The following TNRC6B variants were observed in gnomAD, a reference collection of about 807,000 sequenced individuals.
TNRC6B encodes trinucleotide repeat-containing gene 6B protein.
Under a neutral mutation model 203.6 loss-of-function variants are expected in TNRC6B, and 52 were observed. The observed-to-expected ratio is 0.26, with a 90% CI of 0.20 to 0.32. The LOEUF (loss-of-function observed/expected upper bound fraction) is 0.32, where lower values mean the gene tolerates loss of function less well. Among genes scored for constraint, TNRC6B ranks in the 10% least tolerant of loss-of-function variants. The pLI is 1.00. For synonymous variants in TNRC6B, 838 were observed against 845.7 expected (o/e 0.99, Z 0.16); for missense variants, 1,923 against 2,286.2 (o/e 0.84, Z 3.24).
intron 18 of TNRC6B, 26 bp from the exon 19 acceptor site, chr22:40,312,876 T>G: frequency 1.2e-6 from 2 of 1,600,714 alleles, no homozygotes; most frequent in Non-Finnish European, 1.7e-6. Flanking sequence ...TCTTCAGTAT[T>G]TTCTTCTTGT....
intron 1 of TNRC6B, among the ~76,000 whole-genome samples, chr22:40,196,872 T>C (rs1051905060): frequency 6.6e-6 from 1 of 152,070 alleles, no homozygotes; most frequent in Non-Finnish European, 1.5e-5. Flanking sequence ...TAAGTGCCTA[T>C]TATGCTGCAC....
intron 1 of TNRC6B, among the ~76,000 whole-genome samples, chr22:40,081,760 A>G (rs1013579394): frequency 6.6e-6 from 1 of 152,230 alleles, no homozygotes; most frequent in East Asian, 1.9e-4. Context: ...CCCTCAATAC[A>G]TACTTCCTAT....
chr22:40,312,494 C>T lies in TNRC6B; in HGVS notation c.4436-11C>T, dbSNP rs1347636172. 6.3e-7 allele frequency: 1 copy of T among 1,597,620 alleles called. No individual in the cohort carries two copies. The highest frequency in any genetic ancestry group is 8.5e-7 in the Non-Finnish European group (1 of 1,174,440). On this transcript the variant is annotated splice_polypyrimidine_tract_variant and intron_variant, in intron 17 of 22. Coordinates refer to ENST00000454349, the MANE Select transcript of TNRC6B (RefSeq NM_001162501.2). ...ACCTTCCTTCTCTAATATTTGTTTT[C>T]CTTGTCTCAGAATTCCAACCAGGAG...
intron 1 of TNRC6B, among the ~76,000 whole-genome samples, chr22:40,091,488 A>G (rs916524589): frequency 4.6e-5 from 7 of 152,164 alleles, no homozygotes; most frequent in African/African-American, 1.7e-4. Context: ...AGCACAGCAA[A>G]GCAAAGTCTT....
rs1005237286 is a variant in TNRC6B, at chr22:40,331,668, T to C, written c.*8427T>C. Reference sequence around the variant, plus strand: ...GGATTTTTTTTTTTTTTTTTTTTTTTTTCAAAAAAAAAAGTCCCACATGTG... The same window carrying C: ...GGATTTTTTTTTTTTTTTTTTTTTTCTTCAAAAAAAAAAGTCCCACATGTG... On this transcript the variant is annotated 3_prime_UTR_variant, in exon 23 of 23. Coordinates refer to ENST00000454349, the MANE Select transcript of TNRC6B (RefSeq NM_001162501.2). 1.6e-5 allele frequency: 5 copies of C among 318,022 alleles called. No individual in the cohort carries two copies. The highest frequency in any genetic ancestry group is 1.2e-4 in the African/African-American group (5 of 43,160). The allele number at this position is 318,022 out of a possible 1,614,324, so 19.7% of individuals were successfully genotyped here.
chr22:40,189,709 C>G (rs1410704986), intron 1 of TNRC6B, among the ~76,000 whole-genome samples: 1 of 152,260 alleles, frequency 6.6e-6, no homozygotes, highest in African/African-American at 2.4e-5. Context: ...TTATCCCTTT[C>G]TAAAACTGGG....
chr22:40,177,174 T>G (rs1275899376), upstream of TNRC6B, among the ~76,000 whole-genome samples: 1 of 152,090 alleles, frequency 6.6e-6, no homozygotes, highest in African/African-American at 2.4e-5. Flanking sequence ...GTGCCTAGGC[T>G]CCCTCAGCTG....
chr22:40,312,702 T>G, intron 18 of TNRC6B, 51 bp downstream of exon 18: 1 of 1,569,846 alleles, frequency 6.4e-7, no homozygotes. Flanking sequence ...ATTTTCATAG[T>G]TGTCAGTTTG....
chr22:40,183,990 C>T (rs551097217), intron 1 of TNRC6B, among the ~76,000 whole-genome samples: 25 of 152,266 alleles, frequency 1.6e-4, no homozygotes, highest in African/African-American at 5.8e-4. Context: ...CCACCGTGCA[C>T]AACAGCCAGT....
intron 10 of TNRC6B, 30 bp from the exon 11 acceptor site, chr22:40,281,089 T>C: frequency 3.9e-6 from 6 of 1,522,744 alleles, no homozygotes; most frequent in East Asian, 5.0e-5. Flanking sequence ...CAACACTCGT[T>C]GTGATTGGCT....
At chr22:40,199,508 G>A (rs965763802) in intron 1 of TNRC6B, among the ~76,000 whole-genome samples, 2 of 152,116 alleles carry the variant, frequency 1.3e-5, no homozygotes, top group African/African-American at 4.8e-5. Context: ...CCTGGTTGGA[G>A]TGACATTCTA....
chr22:40,188,761 TA>T (rs1026281235), intron 1 of TNRC6B, among the ~76,000 whole-genome samples: 45 of 152,214 alleles, frequency 3.0e-4, no homozygotes, highest in African/African-American at 1.1e-3. Flanking sequence ...GGCTCTACTA[TA>T]AAAAATTCAA....
chr22:40,140,446 G>A lies in TNRC6B; in HGVS notation c.45+14584G>A, dbSNP rs190593028. Among the ~76,000 whole-genome samples the A allele has an allele frequency of 2.8e-4, 42 of 152,206 alleles. No homozygotes were observed. The East Asian group carries it at 7.7e-3, about 28-fold the overall frequency. On this transcript the variant is annotated intron_variant, in intron 3 of 23. Coordinates refer to the TNRC6B transcript ENST00000301923. ...AACACAGACATGAAGGTTGGGACTG[G>A]AGCAACCATCTTAAAACACAAAGTG...
intron 1 of TNRC6B, among the ~76,000 whole-genome samples, chr22:40,101,196 G>A (rs1000095341): frequency 1.3e-5 from 2 of 152,040 alleles, no homozygotes; most frequent in African/African-American, 2.4e-5. Context: ...GTTTCATTGC[G>A]TTAGCCAGGA....
At chr22:40,177,081 G>C (rs2069069999), upstream of TNRC6B, among the ~76,000 whole-genome samples, 1 of 152,164 alleles carries the variant, frequency 6.6e-6, no homozygotes, top group Admixed American at 6.5e-5. Context: ...CCGAGCTTGG[G>C]TTTCTTAAGT....
At chr22:40,088,294 G>C (rs2068117792) in intron 1 of TNRC6B, among the ~76,000 whole-genome samples, 1 of 152,172 alleles carries the variant, frequency 6.6e-6, no homozygotes, top group Admixed American at 6.5e-5. Context: ...ACTGGACAGC[G>C]GGCCTTCTGA....
At chr22:40,237,473 G>A (rs1234949068) in intron 1 of TNRC6B, among the ~76,000 whole-genome samples, 1 of 152,180 alleles carries the variant, frequency 6.6e-6, no homozygotes, top group Non-Finnish European at 1.5e-5. Flanking sequence ...AAATACTGAG[G>A]GAACTGATGC....
At chr22:40,065,701 G>T (rs2067889508) in intron 1 of TNRC6B, among the ~76,000 whole-genome samples, 1 of 152,004 alleles carries the variant, frequency 6.6e-6, no homozygotes, top group African/African-American at 2.4e-5. Context: ...GTTCTGGATC[G>T]ACGCTGTTTG....
At chr22:40,203,479 G>A (rs1383368585) in intron 1 of TNRC6B, among the ~76,000 whole-genome samples, 3 of 152,176 alleles carry the variant, frequency 2.0e-5, no homozygotes, top group East Asian at 1.9e-4. Flanking sequence ...GTACATTTGG[G>A]TGCTATTTGG....
Sources: gnomAD v4.1 joint callset for allele counts (sites outside exome capture counted in the v4.1 genomes callset) on GRCh38, gnomAD v4.1.1 for gene constraint, MANE v1.5 for transcripts, NCBI Gene and HGNC (gene_info 2026-07-23, HGNC 2026-07-21) for gene names.